The following UBE2B variants were observed in gnomAD, a reference collection of about 807,000 sequenced individuals.
UBE2B encodes ubiquitin-conjugating enzyme E2 B.
UBE2B carries 11 observed loss-of-function variants against 24.6 expected under a neutral mutation model. The observed-to-expected ratio is 0.45, with a 90% confidence interval of 0.28 to 0.74. The LOEUF (loss-of-function observed/expected upper bound fraction) is 0.74. UBE2B is among the 30% of genes least tolerant of loss of function. UBE2B has a pLI of 0.13. For synonymous variants in UBE2B, 68 were observed against 62.4 expected (o/e 1.09, Z -0.42); for missense variants, 78 against 185.6 (o/e 0.42, Z 3.37).
chr5:134,381,451 TG>T (rs1397660152), intron 4 of UBE2B, among the ~76,000 whole-genome samples: 1 of 152,136 alleles, frequency 6.6e-6, no homozygotes, highest in Non-Finnish European at 1.5e-5. Context: ...TTTTCTTTTT[TG>T]TAGACACAAA....
intron 3 of UBE2B, 80 bp downstream of exon 3, chr5:134,376,774 T>C: frequency 1.4e-6 from 2 of 1,383,230 alleles, no homozygotes; most frequent in Non-Finnish European, 2.0e-6. Context: ...CATATCTACT[T>C]GAAGCCATTT....
intron 2 of UBE2B, among the ~76,000 whole-genome samples, chr5:134,374,895 T>C (rs1312012036): frequency 2.0e-5 from 3 of 152,030 alleles, no homozygotes; most frequent in African/African-American, 7.2e-5. Flanking sequence ...TGTGCCATGA[T>C]TGTGCCACTG....
At chr5:134,383,473 CTTTTTTT>C (rs747399191) in intron 4 of UBE2B, among the ~76,000 whole-genome samples, 3 of 80,040 alleles carry the variant, frequency 3.7e-5, no homozygotes, top group African/African-American at 1.1e-4. Flanking sequence ...CCATACCCAG[CTTTTTTT>C]TTTTTTTTTT....
intron 4 of UBE2B, among the ~76,000 whole-genome samples, chr5:134,384,813 C>G (rs1245183682): frequency 1.3e-5 from 2 of 152,096 alleles, no homozygotes; most frequent in East Asian, 3.8e-4. Context: ...ACAAAAAGCC[C>G]CATAACTATT....
chr5:134,376,179 C>G (rs1758599096), intron 2 of UBE2B, among the ~76,000 whole-genome samples: 1 of 149,450 alleles, frequency 6.7e-6, no homozygotes, highest in African/African-American at 2.5e-5. Flanking sequence ...ACTAAAAATA[C>G]AAAAATTAGC....
chr5:134,382,269 A>G (rs891406728), intron 4 of UBE2B, among the ~76,000 whole-genome samples: 1 of 151,766 alleles, frequency 6.6e-6, no homozygotes, highest in Non-Finnish European at 1.5e-5. Flanking sequence ...CCTGGGCAAC[A>G]TAGCGAGGTC....
chr5:134,386,388 G>C (rs2149693494), intron 4 of UBE2B, among the ~76,000 whole-genome samples: 1 of 151,722 alleles, frequency 6.6e-6, no homozygotes, highest in South Asian at 2.1e-4. Flanking sequence ...CCAGCACTTT[G>C]GGAGGCCGAG....
At chr5:134,380,210 TAC>T (rs1758686443) in intron 3 of UBE2B, among the ~76,000 whole-genome samples, 1 of 152,256 alleles carries the variant, frequency 6.6e-6, no homozygotes, top group Admixed American at 6.5e-5. Flanking sequence ...CCCACCTGGC[TAC>T]AGTTATTTTT....
intron 4 of UBE2B, among the ~76,000 whole-genome samples, chr5:134,383,802 G>A (rs1758753767): frequency 6.6e-6 from 1 of 151,830 alleles, no homozygotes; most frequent in Admixed American, 6.6e-5. Context: ...TTTTGATTGA[G>A]TTTTTTGTTT....
At chr5:134,382,817 GT>G (rs922060941) in intron 4 of UBE2B, among the ~76,000 whole-genome samples, 1 of 151,366 alleles carries the variant, frequency 6.6e-6, no homozygotes, top group African/African-American at 2.4e-5. Flanking sequence ...AAAATAAGGT[GT>G]TTTTTTTGGT....
At chr5:134,388,596 AC>A (rs1758846607) in intron 5 of UBE2B, among the ~76,000 whole-genome samples, 183 bp downstream of exon 5, 1 of 152,178 alleles carries the variant, frequency 6.6e-6, no homozygotes. Context: ...TGTGTAAGTT[AC>A]ATGTTCTCAC....
At chr5:134,374,043 C>T (rs1758551617) in intron 1 of UBE2B, among the ~76,000 whole-genome samples, 5 of 152,126 alleles carry the variant, frequency 3.3e-5, no homozygotes, top group Admixed American at 3.3e-4. Flanking sequence ...AGTTCTAGAT[C>T]CCTGAGGAAT....
chr5:134,385,126 G>C (rs1202695654), intron 4 of UBE2B, among the ~76,000 whole-genome samples: 2 of 152,256 alleles, frequency 1.3e-5, no homozygotes, highest in East Asian at 3.9e-4. Flanking sequence ...TTTACTTTTG[G>C]ATTCTCAGAA....
rs1179484470 is a variant in UBE2B at position 134,388,488 on chromosome 5, AC to A, written c.330+77del. 5 of 1,323,614 alleles carry A rather than the reference AC, an allele frequency of 3.8e-6. No homozygotes were observed. The Admixed American group carries it at 6.8e-5, about 18-fold the overall frequency. The allele number at this position is 1,323,614 out of a possible 1,614,324, so 82.0% of individuals were successfully genotyped here. ...TAGTCAGCTCCTTAGCACACAGGTA[AC>A]CAATGGCAGAGCTTGGACAAGAATC... On this transcript the variant is annotated intron_variant, in intron 5 of 5. Coordinates refer to ENST00000265339, the MANE Select transcript of UBE2B (RefSeq NM_003337.4).
intron 3 of UBE2B, among the ~76,000 whole-genome samples, chr5:134,377,084 G>T (rs115241426): frequency 4.3e-4 from 66 of 152,232 alleles, no homozygotes; most frequent in Non-Finnish European, 8.2e-4. Context: ...ATACATAGCT[G>T]CCAGTAGTTT....
chr5:134,379,073 T>G (rs1341287764), intron 3 of UBE2B, among the ~76,000 whole-genome samples: 1 of 152,198 alleles, frequency 6.6e-6, no homozygotes, highest in Non-Finnish European at 1.5e-5. Flanking sequence ...TTACCTGTTG[T>G]GATTTTTTTG....
rs1437680966 is a variant in UBE2B at position 134,388,336 on chromosome 5, G to A, written c.253G>A (p.Gly85Ser). 1 of 1,613,370 alleles carries A rather than the reference G, an allele frequency of 6.2e-7. No individual in the cohort carries two copies. Among genetic ancestry groups the A allele is most frequent in the African/African-American group, 1.3e-5 (1 of 74,896 alleles). ...KMFHPNVYAD[G>S]SICLDILQNR... The stretch of plus-strand genomic sequence containing the variant: ...TATTGTCTTTGCAGTGTATGCTGAT[G>A]GTAGCATATGTTTAGATATCCTTCA... Residue 85 changes from glycine (G) to serine (S), a missense_variant, in exon 5 of 6, where the codon GGT becomes AGT. Transcript: ENST00000265339.
chr5:134,381,613 A>G (rs1245808062), intron 4 of UBE2B, among the ~76,000 whole-genome samples: 1 of 151,978 alleles, frequency 6.6e-6, no homozygotes. Flanking sequence ...AAAGCTTCCA[A>G]ATTTGAGGTC....
At chr5:134,371,673 C>T (rs773574318) in intron 1 of UBE2B, 34 bp downstream of exon 1, 49 of 1,612,958 alleles carry the variant, frequency 3.0e-5, no homozygotes, top group Non-Finnish European at 3.9e-5. Flanking sequence ...GATGACGGCC[C>T]CTCAAAGCTG....
Sources: gnomAD v4.1 joint callset for allele counts (sites outside exome capture counted in the v4.1 genomes callset) on GRCh38, gnomAD v4.1.1 for gene constraint, MANE v1.5 for transcripts, NCBI Gene and HGNC (gene_info 2026-07-23, HGNC 2026-07-21) for gene names.